Variants in CDC25A observed in about 807,000 individuals in gnomAD.
CDC25A encodes the protein cell division cycle 25A.
CDC25A carries 17 observed loss-of-function variants against 64.6 expected under a neutral mutation model. That is an observed-to-expected ratio of 0.26 (90% CI 0.18 to 0.39). CDC25A has a LOEUF of 0.39. Ranked by LOEUF, CDC25A falls within the 10% of genes least tolerant of loss-of-function variation. The probability of loss-of-function intolerance (pLI) is 1.00; values close to 1 mark genes in which losing one functional copy is unlikely to be tolerated. For synonymous variants in CDC25A, 229 were observed against 238.6 expected (o/e 0.96, Z 0.37); for missense variants, 473 against 654.8 (o/e 0.72, Z 3.03).
chr3:48,172,118 C>T (rs959656660), intron 9 of CDC25A, among the ~76,000 whole-genome samples: 5 of 152,012 alleles, frequency 3.3e-5, no homozygotes, highest in African/African-American at 1.2e-4. Context: ...GAGCTGTGAT[C>T]GTGCTAGTGC....
intron 10 of CDC25A, among the ~76,000 whole-genome samples, chr3:48,166,268 G>A (rs2032014047): frequency 6.6e-6 from 1 of 152,132 alleles, no homozygotes; most frequent in South Asian, 2.1e-4. Context: ...GGGTGACAGA[G>A]CAAGACTCCC....
At chr3:48,169,774 G>A (rs773543917) in intron 9 of CDC25A, among the ~76,000 whole-genome samples, 10 of 152,112 alleles carry the variant, frequency 6.6e-5, no homozygotes, top group African/African-American at 1.4e-4. Flanking sequence ...TTGGGAGGCC[G>A]AGGTGAGTGG....
intron 9 of CDC25A, 70 bp downstream of exon 9, chr3:48,174,211 CACT>C (rs2032371376): frequency 7.4e-7 from 1 of 1,342,500 alleles, no homozygotes; most frequent in African/African-American, 1.5e-5. Context: ...ATAAATGAAC[CACT>C]AAGTAGAAAT....
intron 7 of CDC25A, 130 bp from the exon 8 acceptor site, chr3:48,177,572 C>A: frequency 1.4e-6 from 1 of 729,488 alleles, no homozygotes; most frequent in East Asian, 2.6e-5. Flanking sequence ...ATGTACCATC[C>A]TATACCGTTC....
rs1390090630 is a variant in CDC25A, at chr3:48,184,710, A to AG, written c.248-16_248-15insC. 1 of 1,572,510 alleles carries AG rather than the reference A, an allele frequency of 6.4e-7. No individual in the cohort carries two copies. The highest frequency in any genetic ancestry group is 1.4e-5 in the African/African-American group (1 of 72,280). On this transcript the variant is annotated splice_polypyrimidine_tract_variant and intron_variant, in intron 2 of 14. Transcript: ENST00000302506. ...TAGACAGAAACCTATGGGGAAAAAA[A>AG]AAACCTCTCAAGAAATAATACAAAA...
intron 8 of CDC25A, 75 bp from the exon 9 acceptor site, chr3:48,174,532 A>T: frequency 7.1e-7 from 1 of 1,415,832 alleles, no homozygotes; most frequent in Non-Finnish European, 9.7e-7. Context: ...AAATAAACCG[A>T]AGGTTTCCTG....
intron 13 of CDC25A, among the ~76,000 whole-genome samples, chr3:48,159,926 A>G (rs1228119575): frequency 6.6e-6 from 1 of 152,080 alleles, no homozygotes; most frequent in Non-Finnish European, 1.5e-5. Flanking sequence ...TTCAATATCC[A>G]GCCAATGGCT....
At position 48,157,629 on chromosome 3, in the gene CDC25A, G is replaced by C. The variant is rs2031573352; in HGVS notation, c.*1316C>G. ...AAGTCTGCCCCAGCTCCTTGGATGA[G>C]GTGTTCTTTTGAAATTCCCACTTTT... is the stretch of plus-strand genomic sequence containing the variant. On this transcript the variant is annotated 3_prime_UTR_variant, in exon 15 of 15. Coordinates refer to ENST00000302506, the MANE Select transcript of CDC25A (RefSeq NM_001789.3). 6.6e-6 allele frequency: 1 copy of C among 152,604 alleles called. No individual in the cohort carries two copies. The highest frequency in any genetic ancestry group is 1.5e-5 in the Non-Finnish European group (1 of 68,054). 9.5% of individuals were successfully genotyped at this position (152,604 alleles called of 1,614,324 possible). A position where few individuals can be genotyped will look rare whatever the true frequency, so the allele number is the denominator to read the frequency against.
Position 48,174,465 on chromosome 3 carries a change from GA to G in CDC25A, c.757-9del, listed in dbSNP as rs769627560. The G allele has an allele frequency of 1.3e-5, 20 of 1,591,446 alleles. No individual in the cohort carries two copies. Among genetic ancestry groups the G allele is most frequent in the Non-Finnish European group, 1.5e-5 (18 of 1,172,824 alleles). On this transcript the variant is annotated splice_polypyrimidine_tract_variant and intron_variant, in intron 8 of 14. Transcript: ENST00000302506. ...CAGCTTGCATCGGTTGTCCTTACAG[GA>G]AAAAAAACAGACAGACCCATCTTTC...
At chr3:48,168,787 A>G (rs1471380703) in intron 9 of CDC25A, among the ~76,000 whole-genome samples, 1 of 151,546 alleles carries the variant, frequency 6.6e-6, no homozygotes, top group Admixed American at 6.6e-5. Flanking sequence ...AGAGCAGCTG[A>G]GACTATAGGT....
rs534772614 is a variant in CDC25A at position 48,185,563 on chromosome 3, CAGA to C, written c.248-871_248-869del. On this transcript the variant is annotated intron_variant, in intron 2 of 14. Transcript: ENST00000302506. ...ATTCCAGCTACTAGGGAAGCTGAGG[CAGA>C]AGAATTCTCTAAATCTGGGAGGCAG... is the stretch of plus-strand genomic sequence containing the variant. Among the ~76,000 whole-genome samples, 549 of 149,920 alleles carry C rather than the reference CAGA, an allele frequency of 3.7e-3. 2 individuals are homozygous for C. The highest frequency in any genetic ancestry group is 0.01 in the Middle Eastern group (3 of 294).
chr3:48,164,517 A>C (rs2031920998), intron 12 of CDC25A, 80 bp from the exon 13 acceptor site: 2 of 1,312,994 alleles, frequency 1.5e-6, no homozygotes, highest in Admixed American at 6.5e-5. Context: ...ATGATTCATC[A>C]AGAGTGATCT....
rs757631724 is a variant in CDC25A at position 48,167,800 on chromosome 3, C to T, written c.1029+46G>A. ...ACAGGCTGAGTGGGATTCTAAATACCCACACTCCCTCCTACACTTGCCAGA... is the reference window on the plus strand; with the variant it reads ...ACAGGCTGAGTGGGATTCTAAATACTCACACTCCCTCCTACACTTGCCAGA... On this transcript the variant is annotated intron_variant, in intron 10 of 14. Coordinates refer to ENST00000302506, the MANE Select transcript of CDC25A (RefSeq NM_001789.3). The T allele has an allele frequency of 1.1e-5, 11 of 1,041,578 alleles. No homozygotes were observed. The East Asian group carries it at 2.4e-4, about 22-fold the overall frequency. 64.5% of individuals were successfully genotyped at this position (1,041,578 alleles called of 1,614,324 possible).
intron 6 of CDC25A, 148 bp from the exon 7 acceptor site, chr3:48,178,136 G>T: frequency 1.5e-6 from 1 of 687,856 alleles, no homozygotes; most frequent in African/African-American, 1.8e-5. Context: ...ATATGAAAAT[G>T]TATCCCAAGA....
At chr3:48,173,139 A>C (rs1376395264) in intron 9 of CDC25A, among the ~76,000 whole-genome samples, 3 of 141,006 alleles carry the variant, frequency 2.1e-5, no homozygotes, top group Non-Finnish European at 4.6e-5. Flanking sequence ...AATGGCATGA[A>C]CCCGGGAGGC....
chr3:48,167,312 T>C (rs888339987), intron 10 of CDC25A, among the ~76,000 whole-genome samples: 2 of 152,242 alleles, frequency 1.3e-5, no homozygotes, highest in South Asian at 2.1e-4. Flanking sequence ...GAAGCTGCTA[T>C]TGACACATTC....
chr3:48,174,401 T>A lies in CDC25A; in HGVS notation c.813A>T (p.Ser271=). 1 of 1,613,912 alleles carries A rather than the reference T, an allele frequency of 6.2e-7. No individual in the cohort carries two copies. Among genetic ancestry groups the A allele is most frequent in the Non-Finnish European group, 8.5e-7 (1 of 1,179,914 alleles). ...GAGATCGTTCTGGTCTCTTCAACAC[T>A]GACCGAGTGCTGGAGCTACACAGGG... The part of the protein sequence containing the change: ...SPSLCSSSTR[S]VLKRPERSQE... Residue 271 remains serine (S), a synonymous_variant, in exon 9 of 15, where the codon TCA becomes TCT. Coordinates refer to ENST00000302506, the MANE Select transcript of CDC25A (RefSeq NM_001789.3).
intron 7 of CDC25A, 151 bp downstream of exon 7, chr3:48,177,703 A>C: frequency 1.1e-6 from 1 of 892,360 alleles, no homozygotes; most frequent in Admixed American, 2.0e-5. Flanking sequence ...TGGTAGCCCT[A>C]TTATTAAATG....
Position 48,188,045 on chromosome 3 carries a change from G to C in CDC25A, c.-98C>G. ...CACCGGCCTCGGCCGCGCGCCACCGGCGCCCGCGGGTCAAACACAAACACG... is the reference window on the plus strand; with the variant it reads ...CACCGGCCTCGGCCGCGCGCCACCGCCGCCCGCGGGTCAAACACAAACACG... On this transcript the variant is annotated 5_prime_UTR_variant, in exon 1 of 15. Coordinates refer to ENST00000302506, the MANE Select transcript of CDC25A (RefSeq NM_001789.3). The C allele has an allele frequency of 9.6e-7, 1 of 1,040,652 alleles. No individual in the cohort carries two copies. The highest frequency in any genetic ancestry group is 4.4e-5 in the Admixed American group (1 of 22,768). 64.5% of individuals were successfully genotyped at this position (1,040,652 alleles called of 1,614,324 possible). A position where few individuals can be genotyped will look rare whatever the true frequency, so the allele number is the denominator to read the frequency against.
Sources: allele counts gnomAD v4.1 joint callset (sites outside exome capture counted in the v4.1 genomes callset), GRCh38; gene constraint gnomAD v4.1.1; transcripts MANE v1.5; gene names NCBI Gene and HGNC (gene_info 2026-07-23, HGNC 2026-07-21).